Variants in TCERG1L observed in about 807,000 individuals in gnomAD.
The protein encoded by TCERG1L is transcription elongation regulator 1-like protein.
Under a neutral mutation model 56.3 loss-of-function variants are expected in TCERG1L, and 37 were observed. The ratio of observed to expected loss-of-function variants is 0.66; its 90% CI spans 0.51 to 0.87. TCERG1L has a LOEUF of 0.87. TCERG1L is among the 40% of genes least tolerant of loss of function. The probability of loss-of-function intolerance (pLI) is 0.00; values close to 1 mark genes in which losing one functional copy is unlikely to be tolerated. For synonymous variants in TCERG1L, 324 were observed against 326.3 expected (o/e 0.99, Z 0.08); for missense variants, 799 against 774.2 (o/e 1.03, Z -0.38).
rs1052770521 is a variant in TCERG1L, at chr10:131,296,465, G to T, written c.670+11746C>A. 3.9e-5 allele frequency among the ~76,000 whole-genome samples: 6 copies of T among 152,134 alleles called. 1 individual carries two copies. Among genetic ancestry groups the T allele is most frequent in the African/African-American group, 1.4e-4 (6 of 41,410 alleles). Reference sequence around the variant, plus strand: ...TGTCTACTTTTGGATGGTCTACTACGATGTTCTATTGGTCTTTATTCTTAT... The same window carrying T: ...TGTCTACTTTTGGATGGTCTACTACTATGTTCTATTGGTCTTTATTCTTAT... On this transcript the variant is annotated intron_variant, in intron 3 of 11. Coordinates refer to ENST00000368642, the MANE Select transcript of TCERG1L (RefSeq NM_174937.4).
intron 4 of TCERG1L, among the ~76,000 whole-genome samples, chr10:131,208,441 G>C (rs1308445897): frequency 6.6e-6 from 1 of 152,210 alleles, no homozygotes; most frequent in Non-Finnish European, 1.5e-5. Context: ...GCTCCGCAGA[G>C]ACCAGCTGCC....
chr10:131,303,948 G>C (rs1846794219), intron 3 of TCERG1L, among the ~76,000 whole-genome samples: 1 of 152,050 alleles, frequency 6.6e-6, no homozygotes. Flanking sequence ...CCATTTCTCA[G>C]ATATGTTTTT....
intron 4 of TCERG1L, among the ~76,000 whole-genome samples, chr10:131,248,658 G>A (rs909298941): frequency 7.2e-5 from 11 of 152,200 alleles, no homozygotes; most frequent in African/African-American, 2.7e-4. Context: ...GGGAATGAGA[G>A]CCCCCGTGCT....
intron 6 of TCERG1L, chr10:131,160,839 C>T (rs762547207): frequency 5.3e-5 from 8 of 152,180 alleles, no homozygotes; most frequent in Non-Finnish European, 1.2e-4. Flanking sequence ...AACACAATAT[C>T]GCTGGGGAAG....
intron 4 of TCERG1L, among the ~76,000 whole-genome samples, chr10:131,219,967 A>T (rs1458809236): frequency 6.6e-6 from 1 of 152,098 alleles, no homozygotes; most frequent in Non-Finnish European, 1.5e-5. Context: ...CGTAGAACAG[A>T]GGGGCTCCAT....
At chr10:131,136,196 G>T (rs375089252) in intron 7 of TCERG1L, among the ~76,000 whole-genome samples, 67 of 152,298 alleles carry the variant, frequency 4.4e-4, no homozygotes, top group African/African-American at 1.6e-3. Context: ...ACACTGGAGG[G>T]TATCCACTTC....
chr10:131,279,147 T>G (rs1248082899), intron 3 of TCERG1L, among the ~76,000 whole-genome samples: 2 of 152,152 alleles, frequency 1.3e-5, no homozygotes, highest in South Asian at 2.1e-4. Context: ...AGCCCTAGAT[T>G]AGATGAGATG....
intron 4 of TCERG1L, among the ~76,000 whole-genome samples, chr10:131,211,906 G>A (rs574141249): frequency 1.1e-4 from 16 of 152,306 alleles, no homozygotes; most frequent in African/African-American, 3.9e-4. Flanking sequence ...AGTTTCCACA[G>A]CATTAGTTCC....
chr10:131,215,380 C>T (rs1845660019), intron 4 of TCERG1L, among the ~76,000 whole-genome samples: 1 of 152,198 alleles, frequency 6.6e-6, no homozygotes, highest in African/African-American at 2.4e-5. Context: ...AGGAAATTAC[C>T]TTAAAATGTA....
intron 5 of TCERG1L, among the ~76,000 whole-genome samples, chr10:131,166,408 AT>A (rs1367720679): frequency 6.6e-6 from 1 of 152,288 alleles, no homozygotes; most frequent in Non-Finnish European, 1.5e-5. Context: ...TTAAAACGCC[AT>A]TTGGCAAGCC....
intron 3 of TCERG1L, among the ~76,000 whole-genome samples, chr10:131,289,688 G>A (rs1845484107): frequency 2.1e-5 from 1 of 47,608 alleles, no homozygotes; most frequent in Non-Finnish European, 5.3e-5. Context: ...CTGTGTGTGA[G>A]GTGTGCACTG....
intron 4 of TCERG1L, among the ~76,000 whole-genome samples, chr10:131,183,074 T>A (rs974126914): frequency 2.6e-5 from 4 of 152,144 alleles, no homozygotes; most frequent in Non-Finnish European, 5.9e-5. Flanking sequence ...CTTGAAAGAA[T>A]AATTCCTCTG....
chr10:131,148,672 GA>G (rs1353624381), intron 6 of TCERG1L, among the ~76,000 whole-genome samples: 1 of 95,350 alleles, frequency 1.0e-5, no homozygotes, highest in Non-Finnish European at 2.6e-5. Flanking sequence ...GCCTGGCCTT[GA>G]GGCTGGAGAA....
rs762761172 is a variant in TCERG1L, at chr10:131,093,279, A to G, written c.1644T>C (p.Asp548=). 17 of 1,613,948 alleles carry G rather than the reference A, an allele frequency of 1.1e-5. No homozygotes were observed. The highest frequency in any genetic ancestry group is 1.3e-5 in the Non-Finnish European group (15 of 1,179,852). Residue 548 remains aspartate, a synonymous_variant, in exon 12 of 12, where the codon GAT becomes GAC. Coordinates refer to ENST00000368642, the MANE Select transcript of TCERG1L (RefSeq NM_174937.4). ...TTTTTTGAACAAGTCGGAACCTCTG[A>G]TCCCGGCCGTATTTCTCTGCAAACT... ...FKEFAEKYGR[D]QRFRLVQKRK...
chr10:131,151,423 G>A (rs1457986478), intron 6 of TCERG1L, among the ~76,000 whole-genome samples: 4 of 152,140 alleles, frequency 2.6e-5, no homozygotes, highest in Admixed American at 2.0e-4. Flanking sequence ...AATCCAATAC[G>A]GCAGTCATTA....
At chr10:131,247,080 G>A (rs931723327) in intron 4 of TCERG1L, among the ~76,000 whole-genome samples, 7 of 151,988 alleles carry the variant, frequency 4.6e-5, no homozygotes, top group Non-Finnish European at 8.8e-5. Context: ...ATGCCAGCTC[G>A]TTCAGCAGCC....
chr10:131,248,109 TACAC>T (rs1177535779), intron 4 of TCERG1L, among the ~76,000 whole-genome samples: 1 of 151,268 alleles, frequency 6.6e-6, no homozygotes, highest in Non-Finnish European at 1.5e-5. Context: ...ACACACATGA[TACAC>T]ACACTGGTAA....
intron 6 of TCERG1L, among the ~76,000 whole-genome samples, chr10:131,157,125 G>A (rs996428893): frequency 2.0e-5 from 3 of 152,118 alleles, no homozygotes; most frequent in Non-Finnish European, 4.4e-5. Context: ...ACCTTTTAAC[G>A]ACTTTTGCCT....
chr10:131,242,828 G>T (rs143694786), intron 4 of TCERG1L, among the ~76,000 whole-genome samples: 1 of 152,138 alleles, frequency 6.6e-6, no homozygotes, highest in Non-Finnish European at 1.5e-5. Flanking sequence ...TAACCTGTAG[G>T]ATCAGTCTAG....
Sources: gnomAD v4.1 joint callset for allele counts (sites outside exome capture counted in the v4.1 genomes callset) on GRCh38, gnomAD v4.1.1 for gene constraint, MANE v1.5 for transcripts, NCBI Gene and HGNC (gene_info 2026-07-23, HGNC 2026-07-21) for gene names.